MYO6: variants seen among roughly 807,000 people sequenced by gnomAD.
MYO6 encodes unconventional myosin-VI.
In MYO6, 74 loss-of-function variants were observed where a neutral mutation model predicts 178.7. That is an observed-to-expected ratio of 0.41 (90% CI 0.34 to 0.50). The LOEUF (loss-of-function observed/expected upper bound fraction) is 0.50. MYO6 is among the 20% of genes least tolerant of loss of function. The pLI is 0.09. For missense variants in MYO6, 1,330 were observed against 1,547.4 expected (o/e 0.86, Z 2.36); for synonymous variants, 477 against 504.6 (o/e 0.95, Z 0.73).
chr6:75,881,688 G>C lies in MYO6; in HGVS notation c.2287-1G>C. ...TGATACTAAATTATTTCACTTCCTA[G>C]TTTGCAGAATTTGATCAGATCATGA... On this transcript the variant is annotated splice_acceptor_variant, in intron 22 of 34. Coordinates refer to ENST00000369977, the MANE Select transcript of MYO6 (RefSeq NM_004999.4). LOFTEE classifies it high-confidence loss of function. The C allele has an allele frequency of 6.2e-7, 1 of 1,613,090 alleles. No individual in the cohort carries two copies. The highest frequency in any genetic ancestry group is 8.5e-7 in the Non-Finnish European group (1 of 1,179,234).
intron 28 of MYO6, chr6:75,894,848 T>C (rs1453692258): frequency 6.7e-7 from 1 of 1,489,762 alleles, no homozygotes; most frequent in Non-Finnish European, 9.1e-7. Context: ...TAAGTAAGAA[T>C]TGTTTTCTAT....
At chr6:75,829,719 A>G (rs1323176252) in intron 4 of MYO6, among the ~76,000 whole-genome samples, 2 of 152,144 alleles carry the variant, frequency 1.3e-5, no homozygotes, top group African/African-American at 4.8e-5. Flanking sequence ...TAGAGGCAAA[A>G]TTTACTCAAT....
intron 14 of MYO6, among the ~76,000 whole-genome samples, chr6:75,860,205 T>G (rs1237271600): frequency 6.6e-6 from 1 of 152,262 alleles, no homozygotes; most frequent in Non-Finnish European, 1.5e-5. Flanking sequence ...CACATTTTAA[T>G]TATGTTTATG....
intron 1 of MYO6, among the ~76,000 whole-genome samples, chr6:75,798,577 A>G (rs150307928): frequency 4.9e-3 from 754 of 152,354 alleles, no homozygotes; most frequent in Non-Finnish European, 8.0e-3. Flanking sequence ...GCATCCCTTC[A>G]TAATAAAAAC....
At chr6:75,908,365 G>A (rs1780501747) in intron 31 of MYO6, 131 bp from the exon 32 acceptor site, 1 of 797,870 alleles carries the variant, frequency 1.3e-6, no homozygotes, top group South Asian at 1.7e-5. Context: ...TGAATAATTA[G>A]CTTACTTTTG....
Position 75,886,051 on chromosome 6 carries a change from A to G in MYO6, c.2464A>G (p.Lys822Glu). The G allele has an allele frequency of 1.2e-6, 2 of 1,612,912 alleles. No homozygotes were observed. Among genetic ancestry groups the G allele is most frequent in the Non-Finnish European group, 1.7e-6 (2 of 1,179,254 alleles). ...AGCTGAAGCCTGCATTAAAATGCAA[A>G]AAACTATTCGAATGTGGCTTTGCAA... is the stretch of plus-strand genomic sequence containing the variant. The part of the protein sequence containing the change: ...YRAEACIKMQ[K>E]TIRMWLCKRR... The change falls in exon 24 of 35, where the codon AAA (lysine) becomes GAA (glutamate). Residue 822 changes from lysine (K) to glutamate (E), a missense_variant. Around this residue, in one of 3 missense-constraint regions of MYO6, gnomAD observed 601 missense variants for 626.1 expected, o/e 0.96. Transcript: ENST00000369977.
chr6:75,846,935 T>C (rs1314055870), intron 10 of MYO6, among the ~76,000 whole-genome samples: 1 of 152,156 alleles, frequency 6.6e-6, no homozygotes, highest in African/African-American at 2.4e-5. Context: ...TGGATTAATA[T>C]GTTTAAATTA....
intron 1 of MYO6, among the ~76,000 whole-genome samples, chr6:75,789,587 G>A (rs973374668): frequency 6.6e-6 from 1 of 150,598 alleles, no homozygotes; most frequent in Admixed American, 6.6e-5. Context: ...GTTAACTGCC[G>A]CTTCGGAGAA....
chr6:75,855,043 G>A (rs892165188), intron 11 of MYO6, 96 bp from the exon 12 acceptor site: 1 of 1,126,460 alleles, frequency 8.9e-7, no homozygotes, highest in South Asian at 1.4e-5. Context: ...CCTATTATAT[G>A]GTTTTTTGTA....
chr6:75,815,022 T>C (rs752185804), intron 1 of MYO6, among the ~76,000 whole-genome samples: 3 of 152,212 alleles, frequency 2.0e-5, no homozygotes, highest in Non-Finnish European at 2.9e-5. Context: ...CAAGTCCTGA[T>C]GAAACAGAAA....
intron 1 of MYO6, among the ~76,000 whole-genome samples, chr6:75,760,063 A>AT (rs1188879302): frequency 5.9e-5 from 9 of 151,998 alleles, no homozygotes; most frequent in East Asian, 1.9e-4. Flanking sequence ...TTCACCTGGA[A>AT]TTTTTTTTGA....
At chr6:75,772,090 T>C (rs574071625) in intron 1 of MYO6, among the ~76,000 whole-genome samples, 1 of 152,308 alleles carries the variant, frequency 6.6e-6, no homozygotes, top group Non-Finnish European at 1.5e-5. Context: ...AAACTAATAC[T>C]GTTGAGTCTA....
rs72654785 is a variant in MYO6, at chr6:75,856,338, C to A, written c.1224-759C>A. On this transcript the variant is annotated intron_variant, in intron 12 of 34. Coordinates refer to ENST00000369977, the MANE Select transcript of MYO6 (RefSeq NM_004999.4). Reference sequence around the variant, plus strand: ...GAATCCAAAGCAGCTCTTTTATGTACTCTATATATAGCGTGTCCACATGAA... The same window carrying A: ...GAATCCAAAGCAGCTCTTTTATGTAATCTATATATAGCGTGTCCACATGAA... 0.013 allele frequency among the ~76,000 whole-genome samples: 1,998 copies of A among 152,150 alleles called. 77 individuals carry two copies. The East Asian group carries it at 0.15, about 11-fold the overall frequency.
At chr6:75,879,270 G>GTGTC (rs1188855435) in intron 20 of MYO6, among the ~76,000 whole-genome samples, 1 of 151,822 alleles carries the variant, frequency 6.6e-6, no homozygotes, top group Admixed American at 6.6e-5. Context: ...TTTTGATACA[G>GTGTC]TGTCTCACTT....
chr6:75,794,228 C>T (rs1407008046), intron 1 of MYO6, among the ~76,000 whole-genome samples: 1 of 152,116 alleles, frequency 6.6e-6, no homozygotes, highest in Non-Finnish European at 1.5e-5. Flanking sequence ...CCTCAGAAGG[C>T]AAGAACTGAA....
intron 1 of MYO6, among the ~76,000 whole-genome samples, chr6:75,804,631 T>C (rs887613396): frequency 6.6e-6 from 1 of 152,112 alleles, no homozygotes; most frequent in Non-Finnish European, 1.5e-5. Context: ...ATACCTTGTC[T>C]CTTTTTGCTC....
At chr6:75,834,485 G>A (rs1430531388) in intron 6 of MYO6, among the ~76,000 whole-genome samples, 2 of 152,074 alleles carry the variant, frequency 1.3e-5, no homozygotes, top group Non-Finnish European at 2.9e-5. Context: ...CTCCCACTTT[G>A]ACCTCCTAAA....
At chr6:75,771,398 A>G (rs1317801621) in intron 1 of MYO6, among the ~76,000 whole-genome samples, 1 of 152,214 alleles carries the variant, frequency 6.6e-6, no homozygotes, top group East Asian at 1.9e-4. Flanking sequence ...ATTAATAAAC[A>G]AAAGGAAAAG....
At chr6:75,801,141 T>G (rs758064626) in intron 1 of MYO6, among the ~76,000 whole-genome samples, 22 of 152,324 alleles carry the variant, frequency 1.4e-4, no homozygotes, top group South Asian at 8.3e-4. Flanking sequence ...AGAACTTCCC[T>G]GAGACTGGGT....
Sources: allele counts gnomAD v4.1 joint callset (sites outside exome capture counted in the v4.1 genomes callset), GRCh38; gene constraint gnomAD v4.1.1; regional missense constraint gnomAD v4.1.1; transcripts MANE v1.5; gene names NCBI Gene and HGNC (gene_info 2026-07-23, HGNC 2026-07-21).